TRMT10A: variants seen among roughly 807,000 people sequenced by gnomAD.
TRMT10A encodes the protein tRNA methyltransferase 10 homolog A.
A neutral mutation model predicts 40.4 loss-of-function variants in TRMT10A; 37 were observed. The ratio of observed to expected loss-of-function variants is 0.92; its 90% CI spans 0.71 to 1.21. The LOEUF is 1.21. Among genes scored for constraint, TRMT10A ranks in the 50% most tolerant of loss-of-function variants. The pLI, the probability that TRMT10A is intolerant of heterozygous loss-of-function variation, is 0.00. For synonymous variants in TRMT10A, 103 were observed against 134.1 expected, an observed-to-expected ratio of 0.77 and a Z score of 1.60; for missense variants, 388 against 404.3, an observed-to-expected ratio of 0.96 and a Z score of 0.35.
intron 7 of TRMT10A, among the ~76,000 whole-genome samples, chr4:99,550,115 C>A (rs965161206): frequency 6.6e-6 from 1 of 150,680 alleles, no homozygotes; most frequent in Non-Finnish European, 1.5e-5. Flanking sequence ...AGAAAAAAAA[C>A]ACAATTCAAC....
intron 5 of TRMT10A, among the ~76,000 whole-genome samples, chr4:99,555,470 A>G (rs1487060692): frequency 6.6e-6 from 1 of 152,232 alleles, no homozygotes; most frequent in East Asian, 1.9e-4. Context: ...ATTTGGTCCA[A>G]TAGAAAAAAC....
chr4:99,560,212 T>G (rs1216687094), intron 1 of TRMT10A, among the ~76,000 whole-genome samples: 1 of 152,100 alleles, frequency 6.6e-6, no homozygotes. Flanking sequence ...TAAATTTGGC[T>G]GAAATATTTC....
At position 99,546,810 on chromosome 4, in the gene TRMT10A, A is replaced by G. The variant is rs959715121; in HGVS notation, c.*2278T>C. ...ACTGAAGTTTTAACAAATAACCTAA[A>G]TAAACCAAAACAATGTTGAGAGAAA... is the stretch of plus-strand genomic sequence containing the variant. On this transcript the variant is annotated 3_prime_UTR_variant, in exon 8 of 8. Transcript: ENST00000394876. The G allele has an allele frequency of 6.6e-6, 1 of 152,180 alleles. No homozygotes were observed. The highest frequency in any genetic ancestry group is 1.5e-5 in the Non-Finnish European group (1 of 68,022). The allele number at this position is 152,180 out of a possible 1,614,324, so 9.4% of individuals were successfully genotyped here.
chr4:99,556,281 T>C, intron 4 of TRMT10A, 61 bp from the exon 5 acceptor site: 2 of 1,400,156 alleles, frequency 1.4e-6, no homozygotes, highest in Non-Finnish European at 2.0e-6. Context: ...TCTAATATTT[T>C]ATTTCTCTCA....
intron 1 of TRMT10A, among the ~76,000 whole-genome samples, chr4:99,561,182 G>C (rs1724377728): frequency 6.6e-6 from 1 of 152,048 alleles, no homozygotes; most frequent in Admixed American, 6.6e-5. Context: ...GGTCAGGCTG[G>C]TCTCGAACTC....
chr4:99,559,235 T>C lies in TRMT10A; in HGVS notation c.104A>G (p.Glu35Gly). 6.2e-7 allele frequency: 1 copy of C among 1,613,764 alleles called. No individual in the cohort carries two copies. Among genetic ancestry groups the C allele is most frequent in the Non-Finnish European group, 8.5e-7 (1 of 1,179,742 alleles). The change falls in exon 2 of 8, where the codon GAA (glutamate) becomes GGA (glycine). Residue 35 changes from glutamate to glycine, a missense_variant. Glu to Gly is a moderately conservative substitution (Grantham distance 98). Transcript: ENST00000394876. ...QEESQKPRLG[E>G]GCEPISKRQM... ...TCGTTTAGATATTGGTTCACACCCT[T>C]CACCTAATCTTGGCTTCTGGCTCTC...
At chr4:99,558,755 C>T (rs1364643773) in intron 2 of TRMT10A, among the ~76,000 whole-genome samples, 2 of 152,074 alleles carry the variant, frequency 1.3e-5, no homozygotes, top group South Asian at 2.1e-4. Flanking sequence ...CAATGTCAGG[C>T]CAAAACTTGA....
intron 1 of TRMT10A, 40 bp downstream of exon 1, chr4:99,563,873 C>G: frequency 1.4e-6 from 1 of 698,822 alleles, no homozygotes; most frequent in South Asian, 1.5e-5. Flanking sequence ...CAGAGAATAC[C>G]ATAGTGCGGG....
chr4:99,557,216 T>A (rs1724194700), intron 4 of TRMT10A, 129 bp downstream of exon 4: 3 of 790,268 alleles, frequency 3.8e-6, no homozygotes, highest in East Asian at 3.0e-5. Context: ...GTCAAAAAAA[T>A]TTTTTTCACA....
chr4:99,550,526 AT>A (rs1470827530), intron 7 of TRMT10A, among the ~76,000 whole-genome samples: 1 of 152,200 alleles, frequency 6.6e-6, no homozygotes, highest in African/African-American at 2.4e-5. Context: ...GACATAAAAA[AT>A]AAAGTAATAA....
At position 99,547,032 on chromosome 4, in the gene TRMT10A, A is replaced by G. The variant is rs1050216284; in HGVS notation, c.*2056T>C. 6.6e-6 allele frequency: 1 copy of G among 152,012 alleles called. No individual in the cohort carries two copies. The highest frequency in any genetic ancestry group is 2.1e-4 in the South Asian group (1 of 4,812). 9.4% of individuals were successfully genotyped at this position (152,012 alleles called of 1,614,324 possible). ...AATCCTAACACATGGTACCCTGTAAATGTGACCTTATTTGGAGACAGGGTC... is the reference window on the plus strand; with the variant it reads ...AATCCTAACACATGGTACCCTGTAAGTGTGACCTTATTTGGAGACAGGGTC... On this transcript the variant is annotated 3_prime_UTR_variant, in exon 8 of 8. Coordinates refer to ENST00000394876, the MANE Select transcript of TRMT10A (RefSeq NM_001134665.3).
chr4:99,550,952 A>G lies in TRMT10A; in HGVS notation c.684T>C (p.Asn228=), dbSNP rs1723939349. Residue 228 remains asparagine (N), a synonymous_variant, in exon 7 of 8, where the codon AAT becomes AAC. Transcript: ENST00000394876. ...AATTTCCAAGTGGGAGCTGTGCATGATTGATTCCATAATCTGACGCTTGTT... is the reference window on the plus strand; with the variant it reads ...AATTTCCAAGTGGGAGCTGTGCATGGTTGATTCCATAATCTGACGCTTGTT... The part of the protein sequence containing the change: ...TYKQASDYGI[N]HAQLPLGNFV... 2.5e-6 allele frequency: 4 copies of G among 1,612,906 alleles called. No individual in the cohort carries two copies. Among genetic ancestry groups the G allele is most frequent in the Non-Finnish European group, 3.4e-6 (4 of 1,179,416 alleles).
intron 7 of TRMT10A, among the ~76,000 whole-genome samples, chr4:99,549,662 A>G (rs1723887359): frequency 6.6e-6 from 1 of 152,090 alleles, no homozygotes; most frequent in East Asian, 1.9e-4. Context: ...GCCCCTTCAC[A>G]TCTTTATCCT....
At chr4:99,563,612 C>T in intron 1 of TRMT10A, 2 of 267,918 alleles carry the variant, frequency 7.5e-6, no homozygotes, top group South Asian at 6.8e-5. Context: ...ACGGAAAGCG[C>T]CCCACCACGG....
intron 5 of TRMT10A, 137 bp from the exon 6 acceptor site, chr4:99,554,071 C>T (rs1724066068): frequency 3.6e-6 from 3 of 833,976 alleles, no homozygotes; most frequent in Non-Finnish European, 3.7e-6. Flanking sequence ...AATTACAATG[C>T]ATTATTTTGA....
chr4:99,563,550 A>T, intron 1 of TRMT10A: 1 of 233,270 alleles, frequency 4.3e-6, no homozygotes, highest in South Asian at 4.7e-5. Context: ...GATTCTTTGC[A>T]AACTCACTTT....
At chr4:99,558,957 C>A (rs1385719962) in intron 2 of TRMT10A, among the ~76,000 whole-genome samples, 197 bp downstream of exon 2, 1 of 152,054 alleles carries the variant, frequency 6.6e-6, no homozygotes, top group Non-Finnish European at 1.5e-5. Flanking sequence ...TTTTAACAGC[C>A]AGTTGACAGT....
At position 99,553,869 on chromosome 4, in the gene TRMT10A, C is replaced by T. The variant is rs535281584; in HGVS notation, c.561G>A (p.Thr187=). 2.5e-5 allele frequency: 41 copies of T among 1,613,480 alleles called. No individual in the cohort carries two copies. The highest frequency in any genetic ancestry group is 6.6e-5 in the South Asian group (6 of 91,072). Residue 187 remains threonine (T), a synonymous_variant, in exon 6 of 8, where the codon ACG becomes ACA. Coordinates refer to ENST00000394876, the MANE Select transcript of TRMT10A (RefSeq NM_001134665.3). ...CCTTCAGTATATTAGGTGAATCTGA[C>T]GTAAGGTAAATCAGGTCTTCTTTCT... ...LIKKEDLIYL[T]SDSPNILKEL...
intron 5 of TRMT10A, 23 bp from the exon 6 acceptor site, chr4:99,553,957 GTTACTAA>G: frequency 6.2e-7 from 1 of 1,603,154 alleles, no homozygotes. Context: ...AGGGAAAGAG[GTTACTAA>G]TTAATAAGAC....
Sources: gnomAD v4.1 joint callset for allele counts (sites outside exome capture counted in the v4.1 genomes callset) on GRCh38, gnomAD v4.1.1 for gene constraint, MANE v1.5 for transcripts, NCBI Gene and HGNC (gene_info 2026-07-23, HGNC 2026-07-21) for gene names.